Variants in ENAH observed in about 807,000 individuals in gnomAD.
ENAH encodes protein enabled homolog.
ENAH carries 23 observed loss-of-function variants against 78.7 expected under a neutral mutation model. The ratio of observed to expected loss-of-function variants is 0.29; its 90% CI spans 0.21 to 0.41. ENAH has a LOEUF of 0.41. Among genes scored for constraint, ENAH ranks in the 10% least tolerant of loss-of-function variants. The pLI, the probability that ENAH is intolerant of heterozygous loss-of-function variation, is 1.00. For missense variants in ENAH, 544 were observed against 691.0 expected (o/e 0.79, Z 2.39); for synonymous variants, 226 against 241.0 (o/e 0.94, Z 0.58).
At chr1:225,649,786 T>C (rs1375592505) in intron 1 of ENAH, among the ~76,000 whole-genome samples, 1 of 152,240 alleles carries the variant, frequency 6.6e-6, no homozygotes, top group Non-Finnish European at 1.5e-5. Context: ...ACAGTGATCA[T>C]GCTATTCCTA....
At chr1:225,544,618 G>A (rs1177120072) in intron 3 of ENAH, among the ~76,000 whole-genome samples, 1 of 152,140 alleles carries the variant, frequency 6.6e-6, no homozygotes, top group Non-Finnish European at 1.5e-5. Flanking sequence ...TTCCCACCTT[G>A]GGGCAGGACA....
intron 1 of ENAH, among the ~76,000 whole-genome samples, chr1:225,647,331 G>C (rs1337593298): frequency 1.3e-5 from 2 of 152,186 alleles, no homozygotes; most frequent in African/African-American, 2.4e-5. Context: ...ATATTTACAA[G>C]TTCTTTGGTC....
intron 1 of ENAH, among the ~76,000 whole-genome samples, chr1:225,567,970 G>A (rs759760937): frequency 6.6e-6 from 1 of 152,124 alleles, no homozygotes; most frequent in Admixed American, 6.6e-5. Context: ...TTGAGACATG[G>A]AGTGGCCGCT....
chr1:225,585,485 T>TA (rs147030607), intron 1 of ENAH, among the ~76,000 whole-genome samples: 6,680 of 151,480 alleles, frequency 0.044, 239 homozygotes, highest in South Asian at 0.12. Context: ...TGCTGGGCCA[T>TA]AAAAAAAAAT....
chr1:225,523,916 T>C (rs2096487441), intron 4 of ENAH, among the ~76,000 whole-genome samples: 1 of 152,218 alleles, frequency 6.6e-6, no homozygotes, highest in South Asian at 2.1e-4. Context: ...ATTAATAGAA[T>C]CGTCTGAGGA....
chr1:225,541,411 G>C (rs896552629), intron 3 of ENAH, among the ~76,000 whole-genome samples: 2 of 152,064 alleles, frequency 1.3e-5, no homozygotes, highest in African/African-American at 4.8e-5. Context: ...CTCCAGCCCG[G>C]GCGACAGAGT....
At chr1:225,517,602 C>T (rs2096431574) in intron 5 of ENAH, 1 of 1,551,020 alleles carries the variant, frequency 6.4e-7, no homozygotes, top group Non-Finnish European at 8.7e-7. Flanking sequence ...GGCTGCTAAT[C>T]ATTATTGGAG....
At chr1:225,507,075 T>C (rs1187097506) in intron 11 of ENAH, among the ~76,000 whole-genome samples, 2 of 152,074 alleles carry the variant, frequency 1.3e-5, no homozygotes, top group Non-Finnish European at 2.9e-5. Context: ...AGCTGTGATA[T>C]AAATTTAGTC....
intron 1 of ENAH, among the ~76,000 whole-genome samples, chr1:225,608,223 A>AG (rs1427337837): frequency 2.0e-4 from 29 of 146,336 alleles, no homozygotes; most frequent in Middle Eastern, 7.0e-3. Context: ...AAAAACAGAA[A>AG]AAAAAAAAAA....
At chr1:225,526,326 T>TTC (rs377166342) in intron 4 of ENAH, among the ~76,000 whole-genome samples, 2 of 151,800 alleles carry the variant, frequency 1.3e-5, no homozygotes, top group African/African-American at 2.4e-5. Flanking sequence ...ATTTCTTTCT[T>TTC]TCTCTCTCTC....
chr1:225,609,899 A>G (rs972124049), intron 1 of ENAH, among the ~76,000 whole-genome samples: 2 of 151,870 alleles, frequency 1.3e-5, no homozygotes, highest in African/African-American at 4.8e-5. Context: ...CCTGGCCTCA[A>G]GTGATCCGCC....
In ENAH at chr1:225,487,705, A is replaced by T. The variant is rs762974685; in HGVS notation, c.*10070T>A. 6.6e-6 allele frequency: 1 copy of T among 152,222 alleles called. No homozygotes were observed. The highest frequency in any genetic ancestry group is 1.5e-5 in the Non-Finnish European group (1 of 68,046). The allele number at this position is 152,222 out of a possible 1,614,324, so 9.4% of individuals were successfully genotyped here. A position where few individuals can be genotyped will look rare whatever the true frequency, so the allele number is the denominator to read the frequency against. ...TATAAAGTCCCATTCATGGGGTGCA[A>T]ATGTTTACATTGTTAGCAAAGAAAA... On this transcript the variant is annotated 3_prime_UTR_variant, in exon 14 of 14. Coordinates refer to ENST00000366843, the MANE Select transcript of ENAH (RefSeq NM_018212.6).
intron 3 of ENAH, among the ~76,000 whole-genome samples, chr1:225,547,005 C>G (rs978687184): frequency 6.6e-6 from 1 of 152,078 alleles, no homozygotes; most frequent in African/African-American, 2.4e-5. Context: ...AGGTGTCACA[C>G]ACATTATATT....
intron 1 of ENAH, among the ~76,000 whole-genome samples, chr1:225,603,325 C>T (rs1008640955): frequency 2.0e-5 from 3 of 152,046 alleles, no homozygotes; most frequent in Middle Eastern, 3.4e-3. Context: ...TATTATATAG[C>T]GCTTGAGATA....
intron 1 of ENAH, among the ~76,000 whole-genome samples, chr1:225,630,066 A>C (rs1658723807): frequency 6.6e-6 from 1 of 152,212 alleles, no homozygotes; most frequent in Non-Finnish European, 1.5e-5. Context: ...TAATATGTAT[A>C]ATTTCATATA....
intron 1 of ENAH, among the ~76,000 whole-genome samples, chr1:225,570,904 G>A (rs181866897): frequency 1.3e-5 from 2 of 152,048 alleles, no homozygotes; most frequent in East Asian, 3.9e-4. Flanking sequence ...CAGAGGTTAT[G>A]GTGAGCTGAG....
At chr1:225,552,104 T>A (rs2096643405) in intron 3 of ENAH, among the ~76,000 whole-genome samples, 1 of 151,608 alleles carries the variant, frequency 6.6e-6, no homozygotes, top group Non-Finnish European at 1.5e-5. Context: ...GCGTAAGAAA[T>A]TATATCTATT....
At chr1:225,569,891 A>G (rs997486537) in intron 1 of ENAH, among the ~76,000 whole-genome samples, 1 of 152,186 alleles carries the variant, frequency 6.6e-6, no homozygotes, top group Non-Finnish European at 1.5e-5. Flanking sequence ...CTAAACCCAA[A>G]TAACTGTGTA....
chr1:225,523,579 GA>G (rs902020185), intron 4 of ENAH, among the ~76,000 whole-genome samples: 1 of 152,102 alleles, frequency 6.6e-6, no homozygotes, highest in African/African-American at 2.4e-5. Context: ...GGTAAGAAAA[GA>G]AAGTGTTGAA....
Sources: allele counts gnomAD v4.1 joint callset (sites outside exome capture counted in the v4.1 genomes callset), GRCh38; gene constraint gnomAD v4.1.1; transcripts MANE v1.5; gene names NCBI Gene and HGNC (gene_info 2026-07-23, HGNC 2026-07-21).